Variants in DAAM2 observed in about 807,000 individuals in gnomAD.
DAAM2 encodes the protein dishevelled associated activator of morphogenesis 2.
In DAAM2, 39 loss-of-function variants were observed where a neutral mutation model predicts 120.7. The observed-to-expected ratio is 0.32, with a 90% CI of 0.25 to 0.42. DAAM2 has a LOEUF of 0.42. Ranked by LOEUF, DAAM2 falls within the 10% of genes least tolerant of loss-of-function variation. The pLI, the probability that DAAM2 is intolerant of heterozygous loss-of-function variation, is 1.00. For synonymous variants in DAAM2, 488 were observed against 524.9 expected, an observed-to-expected ratio of 0.93 and a Z score of 0.96; for missense variants, 1,283 against 1,401.7, an observed-to-expected ratio of 0.92 and a Z score of 1.35.
chr6:39,894,009 G>T (rs930116538), intron 19 of DAAM2, among the ~76,000 whole-genome samples: 3 of 152,188 alleles, frequency 2.0e-5, no homozygotes, highest in Admixed American at 2.0e-4. Flanking sequence ...ATATATTCAT[G>T]AACTTACAAT....
At chr6:39,872,130 C>T (rs1298249883) in intron 9 of DAAM2, among the ~76,000 whole-genome samples, 1 of 152,112 alleles carries the variant, frequency 6.6e-6, no homozygotes, top group Non-Finnish European at 1.5e-5. Context: ...TCTAGGTGGC[C>T]CCACAGCCAT....
At position 39,902,044 on chromosome 6, in the gene DAAM2, G is replaced by A. The variant is rs751429140; in HGVS notation, c.*7G>A. 1 of 1,594,248 alleles carries A rather than the reference G, an allele frequency of 6.3e-7. No homozygotes were observed. The highest frequency in any genetic ancestry group is 8.6e-7 in the Non-Finnish European group (1 of 1,166,778). The stretch of plus-strand genomic sequence containing the variant: ...AAACCGGCTAAATTATTGACCTGGG[G>A]AACTAGCCACACAGGAGGCCGGGAG... On this transcript the variant is annotated 3_prime_UTR_variant, in exon 25 of 25. Transcript: ENST00000274867.
chr6:39,837,339 T>C (rs9369143), intron 1 of DAAM2, among the ~76,000 whole-genome samples: 22,028 of 151,862 alleles, frequency 0.15, 3,086 homozygotes, highest in East Asian at 0.35. Context: ...ATTGGCGTCA[T>C]TCATGGGTGG....
In DAAM2 at chr6:39,901,305, G is replaced by A. The variant is rs778845214; in HGVS notation, c.2815G>A (p.Ala939Thr). ...DQLNEARDKFAKALMHFGEHD... is the reference protein window; with the variant it reads ...DQLNEARDKFTKALMHFGEHD... ...ATCCTGTTCTGTCCCTTGACAGTTC[G>A]CCAAGGCCTTGATGCACTTCGGGGA... is the stretch of plus-strand genomic sequence containing the variant. Residue 939 changes from alanine (A) to threonine (T), a missense_variant, in exon 24 of 25, where the codon GCC becomes ACC. Ala to Thr is a moderately conservative substitution (Grantham distance 58). Around this residue, in one of 3 missense-constraint regions of DAAM2, gnomAD observed 748 missense variants for 768.6 expected, o/e 0.97. Coordinates refer to ENST00000274867, the MANE Select transcript of DAAM2 (RefSeq NM_001201427.2). This position sits in a 1 kb window ranked among gnomAD's most constrained non-coding sequence, Gnocchi z 4.5. 1.6e-5 allele frequency: 26 copies of A among 1,613,000 alleles called. No individual in the cohort carries two copies. The highest frequency in any genetic ancestry group is 1.6e-4 in the East Asian group (7 of 44,870).
In DAAM2 at chr6:39,860,731, G is replaced by A. The variant is rs540191319; in HGVS notation, c.169-197G>A. ...GGGAGTGCAATAGAAGTCACATAGG[G>A]TTGGTTGAGGCAAGGGGATGGGGCT... is the stretch of plus-strand genomic sequence containing the variant. On this transcript the variant is annotated intron_variant, in intron 2 of 24. Coordinates refer to ENST00000274867, the MANE Select transcript of DAAM2 (RefSeq NM_001201427.2). Among the ~76,000 whole-genome samples, 5 of 152,290 alleles carry A rather than the reference G, an allele frequency of 3.3e-5. No homozygotes were observed. The South Asian group carries it at 8.3e-4, about 25-fold the overall frequency.
Position 39,825,559 on chromosome 6 carries a change from T to C in DAAM2, c.-56-30688T>C, listed in dbSNP as rs150701429. 2.1e-3 allele frequency among the ~76,000 whole-genome samples: 318 copies of C among 152,078 alleles called. 1 individual carries two copies. The highest frequency in any genetic ancestry group is 3.8e-3 in the Admixed American group (58 of 15,282). On this transcript the variant is annotated intron_variant, in intron 1 of 24. Coordinates refer to ENST00000274867, the MANE Select transcript of DAAM2 (RefSeq NM_001201427.2). ...GCACTTTCCTGAGCCTGGCTGTGCA[T>C]TCACTCACAGAATCACCCTGTCACC...
intron 1 of DAAM2, among the ~76,000 whole-genome samples, chr6:39,828,783 G>T (rs927599945): frequency 2.6e-5 from 4 of 151,856 alleles, no homozygotes; most frequent in African/African-American, 9.7e-5. Flanking sequence ...GGATGGTGTT[G>T]ATCTCCTGAC....
rs963381722 is a variant in DAAM2, at chr6:39,899,115, G to T, written c.2679+178G>T. ...GCTTAAGTTTGAGCCTTTTAAAAGG[G>T]GTTACCTAAGACTATACCCATGTTA... is the stretch of plus-strand genomic sequence containing the variant. On this transcript the variant is annotated intron_variant, in intron 22 of 24. Coordinates refer to ENST00000274867, the MANE Select transcript of DAAM2 (RefSeq NM_001201427.2). 6.6e-6 allele frequency: 4 copies of T among 608,056 alleles called. No individual in the cohort carries two copies. In the Admixed American group the frequency reaches 8.9e-5, roughly 13 times the overall value. 37.7% of individuals were successfully genotyped at this position (608,056 alleles called of 1,614,324 possible). A position where few individuals can be genotyped will look rare whatever the true frequency, so the allele number is the denominator to read the frequency against.
chr6:39,859,018 C>T (rs1197915653), intron 2 of DAAM2, among the ~76,000 whole-genome samples: 6 of 152,308 alleles, frequency 3.9e-5, no homozygotes, highest in Admixed American at 3.3e-4. Flanking sequence ...GCTGCCTAGG[C>T]TGAGCAAAAC....
intron 1 of DAAM2, among the ~76,000 whole-genome samples, chr6:39,853,298 C>A (rs1763881379): frequency 6.6e-6 from 1 of 152,194 alleles, no homozygotes; most frequent in African/African-American, 2.4e-5. Context: ...CAAGGAAAGA[C>A]TTAGGGTTTG....
intron 1 of DAAM2, among the ~76,000 whole-genome samples, chr6:39,851,142 G>A (rs1311972540): frequency 6.6e-6 from 1 of 152,168 alleles, no homozygotes; most frequent in Non-Finnish European, 1.5e-5. Flanking sequence ...CCAGCTCACA[G>A]GAAATGCAGA....
intron 1 of DAAM2, among the ~76,000 whole-genome samples, chr6:39,847,502 C>T (rs967431809): frequency 3.3e-5 from 5 of 152,248 alleles, no homozygotes; most frequent in East Asian, 3.9e-4. Context: ...CCCAGACTTA[C>T]GGCGCTAATG....
intron 1 of DAAM2, among the ~76,000 whole-genome samples, chr6:39,841,548 C>A (rs148943336): frequency 1.3e-5 from 2 of 152,090 alleles, no homozygotes; most frequent in South Asian, 2.1e-4. Flanking sequence ...GATTTCACAT[C>A]GTTCACAACT....
intron 1 of DAAM2, chr6:39,819,173 CTA>C (rs1027920600): frequency 6.6e-6 from 1 of 152,238 alleles, no homozygotes; most frequent in Admixed American, 6.5e-5. Context: ...ACCATCATCT[CTA>C]TGCCCACTGG....
At chr6:39,807,112 A>G (rs981413035) in intron 1 of DAAM2, among the ~76,000 whole-genome samples, 3 of 152,136 alleles carry the variant, frequency 2.0e-5, no homozygotes, top group Non-Finnish European at 4.4e-5. Flanking sequence ...AGCAACCCAT[A>G]TATCCATTAT....
At chr6:39,795,047 T>C (rs1458333584) in intron 1 of DAAM2, among the ~76,000 whole-genome samples, 2 of 152,170 alleles carry the variant, frequency 1.3e-5, no homozygotes, top group Non-Finnish European at 2.9e-5. Flanking sequence ...GTCCTGATGC[T>C]TCTGGGCTTG....
intron 19 of DAAM2, among the ~76,000 whole-genome samples, chr6:39,895,832 T>G (rs893092709): frequency 6.6e-6 from 1 of 152,222 alleles, no homozygotes; most frequent in East Asian, 1.9e-4. Flanking sequence ...TAGCTTAGTT[T>G]GTATTTCTGG....
intron 5 of DAAM2, among the ~76,000 whole-genome samples, chr6:39,865,837 C>G (rs1385100329): frequency 1.3e-5 from 2 of 152,096 alleles, no homozygotes; most frequent in Admixed American, 1.3e-4. Flanking sequence ...CCCAAATTAC[C>G]TAATTATTTT....
chr6:39,865,715 A>G (rs996124623), intron 5 of DAAM2, among the ~76,000 whole-genome samples: 2 of 152,244 alleles, frequency 1.3e-5, no homozygotes, highest in Admixed American at 6.5e-5. Context: ...ATTTTCAGCA[A>G]TTTTGTAAGC....
Sources: allele counts gnomAD v4.1 joint callset (sites outside exome capture counted in the v4.1 genomes callset), GRCh38; gene constraint gnomAD v4.1.1; regional missense constraint gnomAD v4.1.1; non-coding constraint Gnocchi (gnomAD v3.1); transcripts MANE v1.5; gene names NCBI Gene and HGNC (gene_info 2026-07-23, HGNC 2026-07-21).